TWIST2: variants seen among roughly 807,000 people sequenced by gnomAD.
The protein encoded by TWIST2 is twist-related protein 2.
A neutral mutation model predicts 11.6 loss-of-function variants in TWIST2; 1 was observed. That is an observed-to-expected ratio of 0.09 (90% CI 0.03 to 0.41). TWIST2 has a LOEUF of 0.41. TWIST2 is among the 10% of genes least tolerant of loss of function. The pLI, the probability that TWIST2 is intolerant of heterozygous loss-of-function variation, is 0.98. For synonymous variants in TWIST2, 87 were observed against 96.6 expected (o/e 0.90, Z 0.58); for missense variants, 168 against 226.4 (o/e 0.74, Z 1.66).
At chr2:238,871,404 AC>A (rs1692696186) in intron 1 of TWIST2, among the ~76,000 whole-genome samples, 1 of 57,002 alleles carries the variant, frequency 1.8e-5, no homozygotes, top group African/African-American at 7.2e-5. Context: ...CACACCACAC[AC>A]CCCACACACA....
chr2:238,851,705 G>GA (rs1303809353), intron 1 of TWIST2, among the ~76,000 whole-genome samples: 5 of 152,256 alleles, frequency 3.3e-5, no homozygotes, highest in Non-Finnish European at 1.5e-5. Flanking sequence ...CTGTATTCAG[G>GA]ATGCTAGAAA....
intron 1 of TWIST2, among the ~76,000 whole-genome samples, chr2:238,855,629 A>G (rs1259319459): frequency 1.3e-5 from 2 of 152,154 alleles, no homozygotes; most frequent in East Asian, 1.9e-4. Flanking sequence ...ATACTCTTCT[A>G]TATTCTTTAG....
At chr2:238,895,041 G>A (rs1378317427) in intron 1 of TWIST2, among the ~76,000 whole-genome samples, 3 of 152,240 alleles carry the variant, frequency 2.0e-5, no homozygotes, top group South Asian at 2.1e-4. Context: ...ACGTGCCTGC[G>A]TCAGGCAGAG....
rs1484674281 is a variant in TWIST2, at chr2:238,864,397, G to A, written c.*35+15664G>A. 6.6e-6 allele frequency among the ~76,000 whole-genome samples: 1 copy of A among 152,246 alleles called. No homozygotes were observed. The highest frequency in any genetic ancestry group is 2.4e-5 in the African/African-American group (1 of 41,468). ...CGGGCCTCCTGCATGAATCAGAGCC[G>A]ACTGGGAGCAGGAGTGACTCAGAGC... On this transcript the variant is annotated intron_variant, in intron 1 of 1. Transcript: ENST00000612363. This position sits in a 1 kb window ranked among gnomAD's most constrained non-coding sequence, Gnocchi z 4.7.
At chr2:238,897,012 C>T (rs887857913) in intron 1 of TWIST2, among the ~76,000 whole-genome samples, 2 of 152,152 alleles carry the variant, frequency 1.3e-5, no homozygotes, top group Admixed American at 6.5e-5. Context: ...TTCAGGGGAA[C>T]GTTGTAAAAA....
At chr2:238,884,446 G>T (rs956001401) in intron 1 of TWIST2, among the ~76,000 whole-genome samples, 1 of 152,234 alleles carries the variant, frequency 6.6e-6, no homozygotes, top group Non-Finnish European at 1.5e-5. Flanking sequence ...GCTCTTCTCC[G>T]TGTAGGGCTT....
chr2:238,903,253 TGTA>T (rs1416153842), intron 1 of TWIST2, among the ~76,000 whole-genome samples: 84 of 146,336 alleles, frequency 5.7e-4, no homozygotes, highest in South Asian at 5.1e-3. Context: ...GTGTGTGAGA[TGTA>T]GTGTGTGTGC....
intron 1 of TWIST2, among the ~76,000 whole-genome samples, chr2:238,907,303 G>T (rs1434503751): frequency 1.3e-5 from 2 of 152,210 alleles, no homozygotes; most frequent in Non-Finnish European, 2.9e-5. Context: ...GGTCTCAGAC[G>T]CTGGCCCCGG....
At chr2:238,904,315 G>A (rs1003157326) in intron 1 of TWIST2, among the ~76,000 whole-genome samples, 18 of 142,352 alleles carry the variant, frequency 1.3e-4, no homozygotes, top group Admixed American at 1.2e-3. Context: ...TCTAATGTGA[G>A]GTGTGTGTGT....
intron 1 of TWIST2, among the ~76,000 whole-genome samples, chr2:238,900,307 C>G (rs1693254203): frequency 6.6e-6 from 1 of 152,198 alleles, no homozygotes; most frequent in African/African-American, 2.4e-5. Context: ...ACTGGGCAGA[C>G]AGAAGCTTGG....
In TWIST2 at chr2:238,848,545, C is replaced by A. The variant is rs752271468; in HGVS notation, c.330C>A (p.Ala110=). The change falls in exon 1 of 2, where the codon GCC becomes GCA. Residue 110 remains alanine, a synonymous_variant. Transcript: ENST00000612363. ...KLSKIQTLKL[A]ARYIDFLYQV... is the part of the protein sequence containing the mutation. Reference sequence around the variant, plus strand: ...GCAAGATCCAGACGCTCAAGCTGGCCGCCAGGTACATAGACTTCCTCTACC... The same window carrying A: ...GCAAGATCCAGACGCTCAAGCTGGCAGCCAGGTACATAGACTTCCTCTACC... The A allele has an allele frequency of 1.3e-6, 2 of 1,591,760 alleles. No homozygotes were observed. Among genetic ancestry groups the A allele is most frequent in the East Asian group, 2.3e-5 (1 of 43,832 alleles).
At chr2:238,883,274 C>T (rs1490700504) in intron 1 of TWIST2, among the ~76,000 whole-genome samples, 2 of 152,156 alleles carry the variant, frequency 1.3e-5, no homozygotes, top group Admixed American at 6.5e-5. Context: ...TGTTTATCCT[C>T]GTGGAGACAT....
At chr2:238,876,970 GGATCACCTGAGGTCAGGAGTTTGA>G (rs1462655199) in intron 1 of TWIST2, among the ~76,000 whole-genome samples, 4 of 152,114 alleles carry the variant, frequency 2.6e-5, no homozygotes, top group African/African-American at 7.2e-5. Context: ...TACCTTCAGC[GGATCACCTGAGGTCAGGAGTTTGA>G]GACTAGCCTG....
At chr2:238,861,107 C>T (rs149017432) in intron 1 of TWIST2, among the ~76,000 whole-genome samples, 140,407 of 152,214 alleles carry the variant, frequency 0.92, 64,924 homozygotes, top group African/African-American at 0.98. Flanking sequence ...GACTGGCCGC[C>T]GGGGCCCTGG....
intron 1 of TWIST2, among the ~76,000 whole-genome samples, chr2:238,862,981 G>A (rs1692459759): frequency 6.6e-6 from 1 of 152,008 alleles, no homozygotes; most frequent in South Asian, 2.1e-4. Flanking sequence ...GAGAGACAGT[G>A]GCAAGAATGA....
At chr2:238,901,813 C>G (rs977522892) in intron 1 of TWIST2, among the ~76,000 whole-genome samples, 34 of 152,142 alleles carry the variant, frequency 2.2e-4, no homozygotes, top group African/African-American at 8.0e-4. Context: ...GGGTGGCTGG[C>G]AGCTGGGACT....
intron 1 of TWIST2, among the ~76,000 whole-genome samples, chr2:238,878,123 C>A (rs1692838440): frequency 6.6e-6 from 1 of 152,136 alleles, no homozygotes; most frequent in Non-Finnish European, 1.5e-5. Flanking sequence ...AAGAACAGCC[C>A]AGGATGTCGT....
chr2:238,881,490 T>C (rs1042423230), intron 1 of TWIST2, among the ~76,000 whole-genome samples: 6 of 152,028 alleles, frequency 3.9e-5, no homozygotes, highest in African/African-American at 1.5e-4. Flanking sequence ...TCTATTAGTG[T>C]GTTAGTATTA....
chr2:238,893,732 G>A (rs1318732748), intron 1 of TWIST2, among the ~76,000 whole-genome samples: 1 of 152,208 alleles, frequency 6.6e-6, no homozygotes, highest in Non-Finnish European at 1.5e-5. Context: ...ATCGCCGGCC[G>A]CCATTGTTCG....
Sources: gnomAD v4.1 joint callset for allele counts (sites outside exome capture counted in the v4.1 genomes callset) on GRCh38, gnomAD v4.1.1 for gene constraint, Gnocchi (gnomAD v3.1) non-coding constraint, MANE v1.5 for transcripts, NCBI Gene and HGNC (gene_info 2026-07-23, HGNC 2026-07-21) for gene names.